CCSER1: variants seen among roughly 807,000 people sequenced by gnomAD.
The protein encoded by CCSER1 is coiled-coil serine rich protein 1, also known as serine-rich coiled-coil domain-containing protein 1.
CCSER1 carries 41 observed loss-of-function variants against 82.0 expected under a neutral mutation model. The ratio of observed to expected loss-of-function variants is 0.50; its 90% CI spans 0.39 to 0.65. CCSER1 has a LOEUF of 0.65. Among genes scored for constraint, CCSER1 ranks in the 30% least tolerant of loss-of-function variants. CCSER1 has a pLI of 0.00. For missense variants in CCSER1, 1,119 were observed against 1,064.2 expected, an observed-to-expected ratio of 1.05 and a Z score of -0.72; for synonymous variants, 414 against 383.9, an observed-to-expected ratio of 1.08 and a Z score of -0.92.
In CCSER1 at chr4:90,312,990, A is replaced by C. The variant is rs890209048; in HGVS notation, c.1452A>C (p.Glu484Asp). 3 of 1,604,774 alleles carry C rather than the reference A, an allele frequency of 1.9e-6. No homozygotes were observed. Among genetic ancestry groups the C allele is most frequent in the South Asian group, 2.2e-5 (2 of 89,076 alleles). ...ILKPKDGNIE[E>D]VNSLRKQRAG... Reference sequence around the variant, plus strand: ...AACCGAAAGATGGAAATATAGAAGAAGTTAATAGTTTAAGAAAGCAAAGAG... The same window carrying C: ...AACCGAAAGATGGAAATATAGAAGACGTTAATAGTTTAAGAAAGCAAAGAG... The change falls in exon 3 of 11, where the codon GAA becomes GAC. Residue 484 changes from glutamate (E) to aspartate (D), a missense_variant. Glu to Asp is a conservative substitution (Grantham distance 45). Transcript: ENST00000509176.
chr4:91,494,067 A>G (rs1397427924), intron 10 of CCSER1, among the ~76,000 whole-genome samples: 1 of 151,892 alleles, frequency 6.6e-6, no homozygotes, highest in Admixed American at 6.6e-5. Flanking sequence ...TATAAAAGAG[A>G]CTGAAGAGAG....
chr4:90,890,223 A>AT lies in CCSER1; in HGVS notation c.2095-33145dup, dbSNP rs533003225. On this transcript the variant is annotated intron_variant, in intron 8 of 10. Transcript: ENST00000509176. ...ATGACATAAAGTAGGGGGGACCTGG[A>AT]TTCCGATATTTGGTTTGTCGCTTCC... 1.2e-3 allele frequency among the ~76,000 whole-genome samples: 188 copies of AT among 152,278 alleles called. 1 individual carries two copies. The highest frequency in any genetic ancestry group is 4.2e-3 in the African/African-American group (173 of 41,574).
At chr4:90,579,635 C>T (rs1180339569) in intron 5 of CCSER1, among the ~76,000 whole-genome samples, 1 of 152,146 alleles carries the variant, frequency 6.6e-6, no homozygotes, top group Non-Finnish European at 1.5e-5. Flanking sequence ...AATATAATCA[C>T]TAGATGGTGT....
intron 3 of CCSER1, among the ~76,000 whole-genome samples, chr4:90,378,115 G>A (rs1016011363): frequency 6.6e-6 from 1 of 151,958 alleles, no homozygotes; most frequent in Non-Finnish European, 1.5e-5. Flanking sequence ...GCTCTTTATG[G>A]CATTGTTTAG....
At chr4:91,094,933 C>A (rs1426104951) in intron 10 of CCSER1, among the ~76,000 whole-genome samples, 1 of 152,140 alleles carries the variant, frequency 6.6e-6, no homozygotes, top group African/African-American at 2.4e-5. Context: ...AGGCAAGGGG[C>A]AATCAGGTAT....
intron 10 of CCSER1, among the ~76,000 whole-genome samples, chr4:91,280,589 T>A (rs1430084893): frequency 1.3e-5 from 2 of 152,168 alleles, no homozygotes; most frequent in African/African-American, 2.4e-5. Flanking sequence ...CAGCAGTGAT[T>A]ACACTGTGGC....
At chr4:90,374,040 T>G (rs1236084211) in intron 3 of CCSER1, among the ~76,000 whole-genome samples, 3 of 152,204 alleles carry the variant, frequency 2.0e-5, no homozygotes, top group African/African-American at 7.2e-5. Context: ...GTCTTGTGGC[T>G]TTTGCCAACA....
chr4:90,937,480 AACACAC>A (rs148799317), intron 9 of CCSER1, among the ~76,000 whole-genome samples: 2 of 146,034 alleles, frequency 1.4e-5, no homozygotes, highest in Non-Finnish European at 3.0e-5. Flanking sequence ...TCTAATTTGA[AACACAC>A]ACACACACAC....
intron 10 of CCSER1, among the ~76,000 whole-genome samples, chr4:91,142,137 T>G (rs1053038292): frequency 1.3e-5 from 2 of 152,006 alleles, no homozygotes; most frequent in African/African-American, 4.8e-5. Context: ...GTGTCAAGGG[T>G]GGGGGACAGG....
intron 1 of CCSER1, among the ~76,000 whole-genome samples, chr4:90,248,878 T>C (rs1018920271): frequency 1.3e-5 from 2 of 151,800 alleles, no homozygotes; most frequent in Non-Finnish European, 2.9e-5. Flanking sequence ...TTGTGTTTTT[T>C]TTGTAGAGAC....
At chr4:90,408,634 C>T (rs56289556) in intron 4 of CCSER1, among the ~76,000 whole-genome samples, 120 of 152,232 alleles carry the variant, frequency 7.9e-4, no homozygotes, top group African/African-American at 2.6e-3. Flanking sequence ...CCCATCTGTA[C>T]GTCACCATCA....
intron 10 of CCSER1, among the ~76,000 whole-genome samples, chr4:91,129,079 A>G (rs954059819): frequency 6.6e-6 from 1 of 151,962 alleles, no homozygotes; most frequent in African/African-American, 2.4e-5. Flanking sequence ...TAATTTCTAG[A>G]TGGCCGAATT....
At chr4:91,115,888 G>T in intron 10 of CCSER1, among the ~76,000 whole-genome samples, 2 of 133,372 alleles carry the variant, frequency 1.5e-5, no homozygotes, top group African/African-American at 5.7e-5. Flanking sequence ...TAAGTTCTAG[G>T]GTACATGTGC....
chr4:91,303,401 C>G (rs1415129595), intron 10 of CCSER1, among the ~76,000 whole-genome samples: 1 of 151,948 alleles, frequency 6.6e-6, no homozygotes, highest in Non-Finnish European at 1.5e-5. Context: ...GGATGGAATA[C>G]TGGAACATAG....
At chr4:90,128,312 C>T (rs1722176594) in intron 1 of CCSER1, among the ~76,000 whole-genome samples, 1 of 152,114 alleles carries the variant, frequency 6.6e-6, no homozygotes, top group Non-Finnish European at 1.5e-5. Context: ...GGGCGGGGAG[C>T]CAGGGGCTCC....
At chr4:91,179,834 C>T (rs57111033) in intron 10 of CCSER1, among the ~76,000 whole-genome samples, 46,585 of 152,170 alleles carry the variant, frequency 0.31, 7,269 homozygotes, top group Admixed American at 0.32. Context: ...TCTGTCTAGC[C>T]TTGTTCCATT....
intron 8 of CCSER1, among the ~76,000 whole-genome samples, chr4:90,834,678 G>T (rs1396177931): frequency 6.6e-6 from 1 of 152,116 alleles, no homozygotes; most frequent in Non-Finnish European, 1.5e-5. Context: ...AAAATACCGT[G>T]TTCAGTTACA....
In CCSER1 at chr4:91,187,554, T is replaced by TA. The variant is rs1553909582; in HGVS notation, c.2217+101562dup. Among the ~76,000 whole-genome samples the TA allele has an allele frequency of 4.7e-3, 713 of 151,870 alleles. 10 individuals carry two copies. The highest frequency in any genetic ancestry group is 0.016 in the African/African-American group (658 of 41,398). On this transcript the variant is annotated intron_variant, in intron 10 of 10. Transcript: ENST00000509176. Reference sequence around the variant, plus strand: ...GAAATCAATAAATTTGTTTTTTTTTTAATTTTTTATTTTTGAGACGGAGTT... The same window carrying TA: ...GAAATCAATAAATTTGTTTTTTTTTTAAATTTTTTATTTTTGAGACGGAGTT...
At chr4:90,600,210 G>T (rs1486160171) in intron 5 of CCSER1, among the ~76,000 whole-genome samples, 1 of 152,074 alleles carries the variant, frequency 6.6e-6, no homozygotes, top group Non-Finnish European at 1.5e-5. Context: ...TATTTCTCTT[G>T]AGTAAATACT....
Sources: gnomAD v4.1 joint callset for allele counts (sites outside exome capture counted in the v4.1 genomes callset) on GRCh38, gnomAD v4.1.1 for gene constraint, MANE v1.5 for transcripts, NCBI Gene and HGNC (gene_info 2026-07-23, HGNC 2026-07-21) for gene names.